TMEM61: variants seen among roughly 807,000 people sequenced by gnomAD.
TMEM61 encodes transmembrane protein 61.
TMEM61 carries 13 observed loss-of-function variants against 12.0 expected under a neutral mutation model. That is an observed-to-expected ratio of 1.08 (90% CI 0.70 to 1.72). TMEM61 has a LOEUF of 1.72. Among genes scored for constraint, TMEM61 ranks in the 40% most tolerant of loss-of-function variants. TMEM61 has a pLI of 0.00. For synonymous variants in TMEM61, 109 were observed against 121.4 expected, an observed-to-expected ratio of 0.90 and a Z score of 0.67; for missense variants, 249 against 276.9, an observed-to-expected ratio of 0.90 and a Z score of 0.71.
chr1:54,991,849 GT>G lies in TMEM61; in HGVS notation c.381del (p.Asp128ThrfsTer9). 1.2e-6 allele frequency: 2 copies of G among 1,614,010 alleles called. No homozygotes were observed. Among genetic ancestry groups the G allele is most frequent in the Non-Finnish European group, 8.5e-7 (1 of 1,179,966 alleles). The stretch of plus-strand genomic sequence containing the variant: ...CTGTTCCTGCAGGACCCCCAAAGTG[GT>G]TGACATCCCCACTTACGAGGAAGCC... ...EKESCRTPKVVDIPTYEEAVS... is the reference protein window; with the variant it reads ...EKESCRTPKVXDIPTYEEAVS... On this transcript the variant is annotated frameshift_variant, in exon 3 of 3. Transcript: ENST00000371268. LOFTEE classifies it low-confidence loss of function (END_TRUNC).
At position 54,986,408 on chromosome 1, in the gene TMEM61, C is replaced by T; in HGVS notation, c.327C>T (p.Tyr109=). ...WDPYHLSRDL[Y]YLTVESSEKE... ...CCTATCACCTCTCCAGAGACCTGTA[C>T]TACCTCACTGTGGAGTCCTCAGAGA... The change falls in exon 2 of 3, where the codon TAC becomes TAT. Residue 109 remains tyrosine (Y), a synonymous_variant. Transcript: ENST00000371268. The T allele has an allele frequency of 6.3e-7, 1 of 1,599,020 alleles. No individual in the cohort carries two copies. Among genetic ancestry groups the T allele is most frequent in the Non-Finnish European group, 8.5e-7 (1 of 1,169,714 alleles).
rs572873754 is a variant in TMEM61 at position 54,989,308 on chromosome 1, A to G, written c.366-2528A>G. Among the ~76,000 whole-genome samples, 263 of 152,342 alleles carry G rather than the reference A, an allele frequency of 1.7e-3. 1 individual carries two copies. The highest frequency in any genetic ancestry group is 3.4e-3 in the Middle Eastern group (1 of 294). ...CTTTACTCATCTGTAAAGTGGGTGC[A>G]GGCCTCTACCCCCCAGGGTGGTTGT... On this transcript the variant is annotated intron_variant, in intron 2 of 2. Coordinates refer to ENST00000371268, the MANE Select transcript of TMEM61 (RefSeq NM_182532.3).
rs780127208 is a variant in TMEM61 at position 54,983,109 on chromosome 1, G to GTTTTTTTTTTTTTTTTTTT, written c.15+2041_15+2042insTTTTTTTTTTTTTTTTTTT. Among the ~76,000 whole-genome samples, 19 of 109,520 alleles carry GTTTTTTTTTTTTTTTTTTT rather than the reference G, an allele frequency of 1.7e-4. 4 individuals carry two copies. Among genetic ancestry groups the GTTTTTTTTTTTTTTTTTTT allele is most frequent in the South Asian group, 3.1e-4 (1 of 3,272 alleles). The allele number at this position is 109,520 out of a possible 152,430, so 71.8% of individuals were successfully genotyped here. ...TTAGTGGTGATTTGTGTTTTGCTTT[G>GTTTTTTTTTTTTTTTTTTT]TTTTTTTTTTTTGTTTTTTTTTGAG... is the stretch of plus-strand genomic sequence containing the variant. On this transcript the variant is annotated intron_variant, in intron 1 of 2. Transcript: ENST00000371268.
At chr1:54,986,986 C>T (rs150867682) in intron 2 of TMEM61, among the ~76,000 whole-genome samples, 5 of 152,334 alleles carry the variant, frequency 3.3e-5, no homozygotes, top group African/African-American at 7.2e-5. Flanking sequence ...CTTCCATACT[C>T]GCTCAGCTGA....
chr1:54,991,006 C>T (rs1379625861), intron 2 of TMEM61, among the ~76,000 whole-genome samples: 2 of 152,242 alleles, frequency 1.3e-5, no homozygotes, highest in African/African-American at 2.4e-5. Flanking sequence ...GCAGCCCACA[C>T]CCAGGATCAG....
rs1003775180 is a variant in TMEM61, at chr1:54,986,369, A to T, written c.288A>T (p.Pro96=). Residue 96 remains proline, a synonymous_variant, in exon 2 of 3, where the codon CCA becomes CCT. Transcript: ENST00000371268. ...LWSVKASIPG[P]PRWDPYHLSR... is the part of the protein sequence containing the mutation. Reference sequence around the variant, plus strand: ...CCGTCAAGGCCAGCATCCCAGGGCCACCTCGATGGGACCCCTATCACCTCT... The same window carrying T: ...CCGTCAAGGCCAGCATCCCAGGGCCTCCTCGATGGGACCCCTATCACCTCT... 5 of 1,612,788 alleles carry T rather than the reference A, an allele frequency of 3.1e-6. No homozygotes were observed. In the African/African-American group the frequency reaches 6.7e-5, roughly 22 times the overall value.
In TMEM61 at chr1:54,992,237, T is replaced by A; in HGVS notation, c.*134T>A. 1.9e-6 allele frequency: 2 copies of A among 1,079,574 alleles called. No homozygotes were observed. Among genetic ancestry groups the A allele is most frequent in the South Asian group, 1.6e-5 (1 of 64,220 alleles). The allele number at this position is 1,079,574 out of a possible 1,614,324, so 66.9% of individuals were successfully genotyped here. A position where few individuals can be genotyped will look rare whatever the true frequency, so the allele number is the denominator to read the frequency against. On this transcript the variant is annotated 3_prime_UTR_variant, in exon 3 of 3. Coordinates refer to ENST00000371268, the MANE Select transcript of TMEM61 (RefSeq NM_182532.3). ...GCTGTTCTATTTATCTATTGCTGTA[T>A]AACAAACCACCCCAGAATTTAGTGG...
Position 54,992,130 on chromosome 1 carries a change from A to C in TMEM61, c.*27A>C. On this transcript the variant is annotated 3_prime_UTR_variant, in exon 3 of 3. Coordinates refer to ENST00000371268, the MANE Select transcript of TMEM61 (RefSeq NM_182532.3). Reference sequence around the variant, plus strand: ...GGCTCCTAGCAGGTCCTGAATCCAGAGACAAAAATGCCGTGCCTTCTCCAG... The same window carrying C: ...GGCTCCTAGCAGGTCCTGAATCCAGCGACAAAAATGCCGTGCCTTCTCCAG... The C allele has an allele frequency of 6.2e-6, 10 of 1,601,780 alleles. No individual in the cohort carries two copies. The highest frequency in any genetic ancestry group is 7.7e-6 in the Non-Finnish European group (9 of 1,175,622).
rs1644251709 is a variant in TMEM61 at position 54,985,517 on chromosome 1, G to A, written c.16-580G>A. Among the ~76,000 whole-genome samples, 4 of 152,214 alleles carry A rather than the reference G, an allele frequency of 2.6e-5. No individual in the cohort carries two copies. In the South Asian group the frequency reaches 8.3e-4, roughly 32 times the overall value. On this transcript the variant is annotated intron_variant, in intron 1 of 2. Coordinates refer to ENST00000371268, the MANE Select transcript of TMEM61 (RefSeq NM_182532.3). ...CTCCCAAAGTGCTGGGATTACAGGC[G>A]TGAGTCACTGCACCTGGCTTGCTGA...
chr1:54,989,410 G>T (rs114517409), intron 2 of TMEM61, among the ~76,000 whole-genome samples: 1 of 152,352 alleles, frequency 6.6e-6, no homozygotes, highest in Non-Finnish European at 1.5e-5. Flanking sequence ...TCCTGGGTTT[G>T]CCTGACTCAG....
At chr1:54,986,022 C>A in intron 1 of TMEM61, 75 bp from the exon 2 acceptor site, 4 of 1,342,824 alleles carry the variant, frequency 3.0e-6, no homozygotes, top group Non-Finnish European at 3.0e-6. Context: ...TGACCTCAGG[C>A]AAAGGAATTA....
At chr1:54,987,003 C>A (rs764618192) in intron 2 of TMEM61, among the ~76,000 whole-genome samples, 1 of 152,184 alleles carries the variant, frequency 6.6e-6, no homozygotes, top group Admixed American at 6.5e-5. Flanking sequence ...CTGATCCTTA[C>A]AGCAGCCCTC....
At chr1:54,988,773 C>A (rs1644276729) in intron 2 of TMEM61, among the ~76,000 whole-genome samples, 1 of 152,244 alleles carries the variant, frequency 6.6e-6, no homozygotes, top group South Asian at 2.1e-4. Context: ...ATTCAGAGAA[C>A]TGACGGTGCC....
Position 54,980,960 on chromosome 1 carries a change from G to A in TMEM61, c.-106G>A, listed in dbSNP as rs1644214821. On this transcript the variant is annotated 5_prime_UTR_variant, in exon 1 of 3. Transcript: ENST00000371268. ...ACACCCGCGCCTCCTGCAGACCCGAGGGTCGCCGCTGGTAGGGTCGCTCAG... is the reference window on the plus strand; with the variant it reads ...ACACCCGCGCCTCCTGCAGACCCGAAGGTCGCCGCTGGTAGGGTCGCTCAG... 1 of 1,287,500 alleles carries A rather than the reference G, an allele frequency of 7.8e-7. No homozygotes were observed. The highest frequency in any genetic ancestry group is 1.6e-5 in the South Asian group (1 of 62,668). 79.8% of individuals were successfully genotyped at this position (1,287,500 alleles called of 1,614,324 possible).
chr1:54,981,150 C>T (rs1644218010), intron 1 of TMEM61, 70 bp downstream of exon 1: 2 of 1,519,054 alleles, frequency 1.3e-6, no homozygotes, highest in South Asian at 2.5e-5. Context: ...TTGCCCCGAC[C>T]CCTTCCCCTA....
chr1:54,980,901 G>C lies in TMEM61; in HGVS notation c.-165G>C. On this transcript the variant is annotated 5_prime_UTR_variant, in exon 1 of 3. Transcript: ENST00000371268. ...TCGGTTTTGCGGGCTGGGGAGCAGG[G>C]CTCGGGGGCAGCGGCCAGGCCCCTC... The C allele has an allele frequency of 1.5e-6, 1 of 673,252 alleles. No homozygotes were observed. The highest frequency in any genetic ancestry group is 2.8e-5 in the South Asian group (1 of 35,958). The allele number at this position is 673,252 out of a possible 1,614,324, so 41.7% of individuals were successfully genotyped here. A position where few individuals can be genotyped will look rare whatever the true frequency, so the allele number is the denominator to read the frequency against.
rs144725989 is a variant in TMEM61 at position 54,986,379 on chromosome 1, G to C, written c.298G>C (p.Asp100His). 8.9e-5 allele frequency: 144 copies of C among 1,612,622 alleles called. No individual in the cohort carries two copies. Among genetic ancestry groups the C allele is most frequent in the Non-Finnish European group, 1.1e-4 (132 of 1,179,028 alleles). Reference sequence around the variant, plus strand: ...CAGCATCCCAGGGCCACCTCGATGGGACCCCTATCACCTCTCCAGAGACCT... The same window carrying C: ...CAGCATCCCAGGGCCACCTCGATGGCACCCCTATCACCTCTCCAGAGACCT... ...KASIPGPPRW[D>H]PYHLSRDLYY... is the part of the protein sequence containing the mutation. The change falls in exon 2 of 3, where the codon GAC (aspartate) becomes CAC (histidine). Residue 100 changes from aspartate to histidine, a missense_variant. Asp to His is a moderately conservative substitution (Grantham distance 81, BLOSUM62 -1). Coordinates refer to ENST00000371268, the MANE Select transcript of TMEM61 (RefSeq NM_182532.3).
chr1:54,988,271 G>A (rs796701361), intron 2 of TMEM61, among the ~76,000 whole-genome samples: 2 of 152,372 alleles, frequency 1.3e-5, no homozygotes, highest in African/African-American at 4.8e-5. Flanking sequence ...GGGGGTGGGT[G>A]TTGCCTGTAC....
intron 1 of TMEM61, among the ~76,000 whole-genome samples, chr1:54,982,939 T>A (rs1644232927): frequency 6.6e-6 from 1 of 152,060 alleles, no homozygotes; most frequent in Admixed American, 6.5e-5. Context: ...TGTAAAGTCC[T>A]TGGCATGGTG....
Sources: gnomAD v4.1 joint callset for allele counts (sites outside exome capture counted in the v4.1 genomes callset) on GRCh38, gnomAD v4.1.1 for gene constraint, MANE v1.5 for transcripts, NCBI Gene and HGNC (gene_info 2026-07-23, HGNC 2026-07-21) for gene names.